The following SELENOH variants were observed in gnomAD, a reference collection of about 807,000 sequenced individuals.
SELENOH encodes the protein chromosome 11 open reading frame 31.
In SELENOH, 13 loss-of-function variants were observed where a neutral mutation model predicts 11.9. That is an observed-to-expected ratio of 1.09 (90% CI 0.71 to 1.74). The LOEUF (loss-of-function observed/expected upper bound fraction) is 1.74, where lower values mean the gene tolerates loss of function less well. SELENOH is among the 40% of genes most tolerant of loss of function. SELENOH has a pLI of 0.00. For synonymous variants in SELENOH, 96 were observed against 73.5 expected, an observed-to-expected ratio of 1.31 and a Z score of -1.56; for missense variants, 223 against 170.3, an observed-to-expected ratio of 1.31 and a Z score of -1.72.
At chr11:57,742,298 T>C (rs1949104531) in intron 3 of SELENOH, 51 bp downstream of exon 3, 3 of 1,346,838 alleles carry the variant, frequency 2.2e-6, no homozygotes, top group Non-Finnish European at 2.1e-6. Flanking sequence ...AGAGAAGGCA[T>C]TGATCTTGGT....
At position 57,741,942 on chromosome 11, in the gene SELENOH, C is replaced by G; in HGVS notation, c.256C>G (p.Pro86Ala). 1 of 1,588,462 alleles carries G rather than the reference C, an allele frequency of 6.3e-7. No individual in the cohort carries two copies. Among genetic ancestry groups the G allele is most frequent in the Non-Finnish European group, 8.5e-7 (1 of 1,171,788 alleles). Residue 86 changes from proline to alanine, a missense_variant, in exon 2 of 4, where the codon CCG (proline) becomes GCG (alanine). Coordinates refer to ENST00000534355, the MANE Select transcript of SELENOH (RefSeq NM_170746.4). ...CAGCTTCGAGGTGACGCTGCTGCGC[C>G]CGGACGGCAGCAGTAAGTGGGGACC... ...RGSFEVTLLR[P>A]DGSSAELWTG...
rs1398301394 is a variant in SELENOH, at chr11:57,743,042, G to A, written c.*210G>A. ...TAATAAAAGTTGAAATAAAGTATTTGAGTAATAGAGTAAAACTTAATCTTA... is the reference window on the plus strand; with the variant it reads ...TAATAAAAGTTGAAATAAAGTATTTAAGTAATAGAGTAAAACTTAATCTTA... On this transcript the variant is annotated 3_prime_UTR_variant, in exon 4 of 4. Transcript: ENST00000534355. 5 of 152,622 alleles carry A rather than the reference G, an allele frequency of 3.3e-5. No individual in the cohort carries two copies. In the East Asian group the frequency reaches 9.6e-4, roughly 29 times the overall value. 9.5% of individuals were successfully genotyped at this position (152,622 alleles called of 1,614,324 possible). A position where few individuals can be genotyped will look rare whatever the true frequency, so the allele number is the denominator to read the frequency against.
In SELENOH at chr11:57,741,688, G is replaced by T; in HGVS notation, c.93G>T (p.Met31Ile). ...AGCTGGCGAACGGCGGGGAGGGAAT[G>T]GAGGAGGCGACCGTTGTTATCGAGC... is the stretch of plus-strand genomic sequence containing the variant. ...REKLANGGEG[M>I]EEATVVIEHC... Residue 31 changes from methionine (M) to isoleucine (I), a missense_variant, in exon 1 of 4, where the codon ATG (methionine) becomes ATT (isoleucine). Met to Ile is a conservative substitution (Grantham distance 10, BLOSUM62 1). Coordinates refer to ENST00000534355, the MANE Select transcript of SELENOH (RefSeq NM_170746.4). The T allele has an allele frequency of 6.6e-7, 1 of 1,519,916 alleles. No individual in the cohort carries two copies. The highest frequency in any genetic ancestry group is 1.2e-5 in the South Asian group (1 of 80,064). The allele number at this position is 1,519,916 out of a possible 1,614,324, so 94.2% of individuals were successfully genotyped here.
In SELENOH at chr11:57,742,210, T is replaced by C. The variant is rs1454210878; in HGVS notation, c.362T>C (p.Leu121Pro). Residue 121 changes from leucine to proline, a missense_variant, in exon 3 of 4, where the codon CTG (leucine) becomes CCG (proline). Coordinates refer to ENST00000534355, the MANE Select transcript of SELENOH (RefSeq NM_170746.4). ...QEVVEELKKY[L>P]S ...GTGGTGGAAGAGTTGAAGAAGTACCTGTCGTAGGGAGATTTGGGTAGAAGC... is the reference window on the plus strand; with the variant it reads ...GTGGTGGAAGAGTTGAAGAAGTACCCGTCGTAGGGAGATTTGGGTAGAAGC... The C allele has an allele frequency of 6.2e-7, 1 of 1,608,236 alleles. No individual in the cohort carries two copies. Among genetic ancestry groups the C allele is most frequent in the Non-Finnish European group, 8.5e-7 (1 of 1,177,434 alleles).
Position 57,741,875 on chromosome 11 carries a change from A to T in SELENOH, c.189A>T (p.Pro63=). 6.2e-7 allele frequency: 1 copy of T among 1,600,342 alleles called. No homozygotes were observed. ...ALSQALRLEA[P]ELPVKVNPTK... is the part of the protein sequence containing the mutation. ...GCCAGGCGCTGCGCCTGGAGGCCCC[A>T]GAGCTTCCAGTAAAGGTGAACCCGA... Residue 63 remains proline (P), a synonymous_variant, in exon 2 of 4, where the codon CCA becomes CCT. Coordinates refer to ENST00000534355, the MANE Select transcript of SELENOH (RefSeq NM_170746.4).
intron 3 of SELENOH, 191 bp downstream of exon 3, chr11:57,742,438 A>C: frequency 5.4e-6 from 3 of 557,348 alleles, no homozygotes; most frequent in Non-Finnish European, 9.6e-6. Flanking sequence ...AAAAAGACAC[A>C]ATATTGTTTT....
chr11:57,741,650 G>A lies in SELENOH; in HGVS notation c.55G>A (p.Glu19Lys), dbSNP rs1347317085. 7 of 1,425,448 alleles carry A rather than the reference G, an allele frequency of 4.9e-6. No individual in the cohort carries two copies. In the Admixed American group the frequency reaches 8.5e-5, roughly 17 times the overall value. 88.3% of individuals were successfully genotyped at this position (1,425,448 alleles called of 1,614,324 possible). Residue 19 changes from glutamate (E) to lysine (K), a missense_variant, in exon 1 of 4, where the codon GAG (glutamate) becomes AAG (lysine). By Grantham distance (56) the Glu-to-Lys change is moderately conservative (BLOSUM62 1). Coordinates refer to ENST00000534355, the MANE Select transcript of SELENOH (RefSeq NM_170746.4). ...KAEAAVVAVAEKREKLANGGE... is the reference protein window; with the variant it reads ...KAEAAVVAVAKKREKLANGGE... ...TGAGGCCGCGGTGGTCGCCGTAGCC[G>A]AGAAGCGAGAGAAGCTGGCGAACGG...
Position 57,742,259 on chromosome 11 carries a change from G to C in SELENOH, c.*30+12G>C. ...GCCCTCATGCTGAGGTTTGAAATGG[G>C]AAGTGGGGGGCGCGACCGCTGTTGA... On this transcript the variant is annotated intron_variant, in intron 3 of 3. Transcript: ENST00000534355. 2 of 1,534,530 alleles carry C rather than the reference G, an allele frequency of 1.3e-6. No homozygotes were observed. The highest frequency in any genetic ancestry group is 1.2e-5 in the South Asian group (1 of 85,092).
At position 57,741,666 on chromosome 11, in the gene SELENOH, T is replaced by G; in HGVS notation, c.71T>G (p.Leu24Arg). 6.8e-7 allele frequency: 1 copy of G among 1,464,962 alleles called. No homozygotes were observed. The highest frequency in any genetic ancestry group is 9.0e-7 in the Non-Finnish European group (1 of 1,108,832). 90.7% of individuals were successfully genotyped at this position (1,464,962 alleles called of 1,614,324 possible). Residue 24 changes from leucine to arginine, a missense_variant, in exon 1 of 4, where the codon CTG (leucine) becomes CGG (arginine). By Grantham distance (102) the Leu-to-Arg change is moderately radical (BLOSUM62 -2). Coordinates refer to ENST00000534355, the MANE Select transcript of SELENOH (RefSeq NM_170746.4). ...GCCGTAGCCGAGAAGCGAGAGAAGC[T>G]GGCGAACGGCGGGGAGGGAATGGAG... ...VVAVAEKREKLANGGEGMEEA... is the reference protein window; with the variant it reads ...VVAVAEKREKRANGGEGMEEA...
At position 57,741,571 on chromosome 11, in the gene SELENOH, C is replaced by T; in HGVS notation, c.-25C>T. 1 of 1,255,462 alleles carries T rather than the reference C, an allele frequency of 8.0e-7. No individual in the cohort carries two copies. The highest frequency in any genetic ancestry group is 3.1e-4 in the Middle Eastern group (1 of 3,230). The allele number at this position is 1,255,462 out of a possible 1,614,324, so 77.8% of individuals were successfully genotyped here. On this transcript the variant is annotated 5_prime_UTR_variant, in exon 1 of 4. Coordinates refer to ENST00000534355, the MANE Select transcript of SELENOH (RefSeq NM_170746.4). ...CGCCCCCCACCCACCAGTCCCGCTG[C>T]ATTCTCGGCCGGGCTCTAGGCGCCA...
rs1433602474 is a variant in SELENOH at position 57,741,961 on chromosome 11, G to GGGGA, written c.268+8_268+11dup. ...CTGCGCCCGGACGGCAGCAGTAAGT[G>GGGGA]GGGACCTGGATGTGGGGGAGAGGGA... On this transcript the variant is annotated splice_region_variant and intron_variant, in intron 2 of 3. Coordinates refer to ENST00000534355, the MANE Select transcript of SELENOH (RefSeq NM_170746.4). 1 of 1,585,340 alleles carries GGGGA rather than the reference G, an allele frequency of 6.3e-7. No individual in the cohort carries two copies. The highest frequency in any genetic ancestry group is 8.6e-7 in the Non-Finnish European group (1 of 1,169,258).
Position 57,741,609 on chromosome 11 carries a change from G to A in SELENOH, c.14G>A (p.Gly5Glu). Reference protein sequence around the residue: MAPRGRKRKAEAAVV... With the variant: MAPRERKRKAEAAVV... ...GCTCTAGGCGCCATGGCTCCCCGCG[G>A]GAGGAAGCGTAAGGCTGAGGCCGCG... Residue 5 changes from glycine (G) to glutamate (E), a missense_variant, in exon 1 of 4, where the codon GGG becomes GAG. Physicochemically the swap from Gly to Glu is moderately conservative, Grantham distance 98. Transcript: ENST00000534355. 2 of 1,275,492 alleles carry A rather than the reference G, an allele frequency of 1.6e-6. No homozygotes were observed. Among genetic ancestry groups the A allele is most frequent in the South Asian group, 3.5e-5 (1 of 28,876 alleles). 79.0% of individuals were successfully genotyped at this position (1,275,492 alleles called of 1,614,324 possible).
In SELENOH at chr11:57,741,517, G is replaced by T; in HGVS notation, c.-79G>T. On this transcript the variant is annotated 5_prime_UTR_variant, in exon 1 of 4. Transcript: ENST00000534355. ...GAGCTTCCGGGCTGCGCTCTTCGTT[G>T]CCCAGTTTCCGCTCAGTGGTCGCGT... 2.6e-6 allele frequency: 3 copies of T among 1,152,780 alleles called. No individual in the cohort carries two copies. The highest frequency in any genetic ancestry group is 3.3e-6 in the Non-Finnish European group (3 of 911,202). The allele number at this position is 1,152,780 out of a possible 1,614,324, so 71.4% of individuals were successfully genotyped here.
At chr11:57,742,358 G>A (rs1949106964) in intron 3 of SELENOH, 111 bp downstream of exon 3, 1 of 764,460 alleles carries the variant, frequency 1.3e-6, no homozygotes, top group Non-Finnish European at 2.1e-6. Flanking sequence ...TGCAATCCCA[G>A]CACTCTGGGA....
chr11:57,742,086 A>T (rs777721313), intron 2 of SELENOH, 31 bp from the exon 3 acceptor site: 1 of 1,597,750 alleles, frequency 6.3e-7, no homozygotes, highest in Non-Finnish European at 8.5e-7. Context: ...GTTCCGAAGT[A>T]TTGTAACTTC....
In SELENOH at chr11:57,742,126, T is replaced by C. The variant is rs563062355; in HGVS notation, c.278T>C (p.Leu93Pro). Residue 93 changes from leucine to proline, a missense_variant, in exon 3 of 4, where the codon CTC (leucine) becomes CCC (proline). Physicochemically the swap from Leu to Pro is moderately conservative, Grantham distance 98 (BLOSUM62 -3). Transcript: ENST00000534355. ...LLRPDGSSAELWTGIKKGPPR... is the reference protein window; with the variant it reads ...LLRPDGSSAEPWTGIKKGPPR... ...CATTCTGGCCTTTCAGGTGCGGAGC[T>C]CTGGACTGGGATTAAGAAGGGGCCC... The C allele has an allele frequency of 6.2e-7, 1 of 1,611,196 alleles. No individual in the cohort carries two copies. The highest frequency in any genetic ancestry group is 1.3e-5 in the African/African-American group (1 of 74,976).
rs2135684497 is a variant in SELENOH at position 57,743,262 on chromosome 11, C to G, written c.*430C>G. ...TTGTCTCCCAGGTTCAAGCGATACT[C>G]CTGCCTCAGTCTCCTGAGTAGCTGG... On this transcript the variant is annotated 3_prime_UTR_variant, in exon 4 of 4. Transcript: ENST00000534355. 1 of 152,276 alleles carries G rather than the reference C, an allele frequency of 6.6e-6. No individual in the cohort carries two copies. Among genetic ancestry groups the G allele is most frequent in the Admixed American group, 6.5e-5 (1 of 15,292 alleles). The allele number at this position is 152,276 out of a possible 1,614,324, so 9.4% of individuals were successfully genotyped here. A position where few individuals can be genotyped will look rare whatever the true frequency, so the allele number is the denominator to read the frequency against.
At chr11:57,742,509 G>A in intron 3 of SELENOH, 2 of 401,864 alleles carry the variant, frequency 5.0e-6, no homozygotes, top group South Asian at 6.0e-5. Context: ...GACTTGCCCT[G>A]GGGGTATGGA....
Position 57,741,567 on chromosome 11 carries a change from G to A in SELENOH, c.-29G>A, listed in dbSNP as rs766957998. The A allele has an allele frequency of 1.8e-5, 22 of 1,253,426 alleles. No homozygotes were observed. The highest frequency in any genetic ancestry group is 2.2e-5 in the Non-Finnish European group (22 of 992,352). The allele number at this position is 1,253,426 out of a possible 1,614,324, so 77.6% of individuals were successfully genotyped here. A position where few individuals can be genotyped will look rare whatever the true frequency, so the allele number is the denominator to read the frequency against. ...TCTCCGCCCCCCACCCACCAGTCCCGCTGCATTCTCGGCCGGGCTCTAGGC... is the reference window on the plus strand; with the variant it reads ...TCTCCGCCCCCCACCCACCAGTCCCACTGCATTCTCGGCCGGGCTCTAGGC... On this transcript the variant is annotated 5_prime_UTR_variant, in exon 1 of 4. Coordinates refer to ENST00000534355, the MANE Select transcript of SELENOH (RefSeq NM_170746.4).
Sources: gnomAD v4.1 joint callset for allele counts on GRCh38, gnomAD v4.1.1 for gene constraint, MANE v1.5 for transcripts, NCBI Gene and HGNC (gene_info 2026-07-23, HGNC 2026-07-21) for gene names.